ADCY2: variants seen among roughly 807,000 people sequenced by gnomAD.
The protein encoded by ADCY2 is adenylate cyclase type 2.
ADCY2 carries 31 observed loss-of-function variants against 125.2 expected under a neutral mutation model. The observed-to-expected ratio is 0.25, with a 90% CI of 0.19 to 0.33. The LOEUF is 0.33. ADCY2 is among the 10% of genes least tolerant of loss of function. The pLI, the probability that ADCY2 is intolerant of heterozygous loss-of-function variation, is 1.00. For missense variants in ADCY2, 904 were observed against 1,418.2 expected, an observed-to-expected ratio of 0.64 and a Z score of 5.82; for synonymous variants, 512 against 548.4, an observed-to-expected ratio of 0.93 and a Z score of 0.93.
intron 3 of ADCY2, among the ~76,000 whole-genome samples, chr5:7,543,904 C>T (rs1407261177): frequency 1.3e-5 from 2 of 150,660 alleles, no homozygotes; most frequent in African/African-American, 4.9e-5. Flanking sequence ...GTTCCACCTA[C>T]TCGGGAGGCT....
At chr5:7,815,569 T>C (rs1177571895) in intron 22 of ADCY2, among the ~76,000 whole-genome samples, 1 of 152,136 alleles carries the variant, frequency 6.6e-6, no homozygotes, top group Non-Finnish European at 1.5e-5. Flanking sequence ...TAACAAAAAA[T>C]AGAAACTTTT....
At chr5:7,518,671 A>T (rs1206313921) in intron 2 of ADCY2, among the ~76,000 whole-genome samples, 1 of 152,174 alleles carries the variant, frequency 6.6e-6, no homozygotes, top group East Asian at 1.9e-4. Flanking sequence ...TCCATGCCCA[A>T]TCTAGGCTTC....
intron 11 of ADCY2, among the ~76,000 whole-genome samples, chr5:7,713,109 G>A (rs531945092): frequency 7.9e-5 from 12 of 152,006 alleles, no homozygotes; most frequent in African/African-American, 2.7e-4. Context: ...AACACCACCT[G>A]GTACTCATTT....
At chr5:7,749,056 T>C (rs962572389) in intron 15 of ADCY2, among the ~76,000 whole-genome samples, 2 of 152,212 alleles carry the variant, frequency 1.3e-5, no homozygotes, top group Admixed American at 6.5e-5. Flanking sequence ...GGGATGCCCA[T>C]GTTCATGGAC....
rs183445629 is a variant in ADCY2 at position 7,728,142 on chromosome 5, C to T, written c.1871+881C>T. 2.5e-4 allele frequency among the ~76,000 whole-genome samples: 38 copies of T among 152,034 alleles called. No homozygotes were observed. The East Asian group carries it at 7.4e-3, about 30-fold the overall frequency. On this transcript the variant is annotated intron_variant, in intron 14 of 24. Transcript: ENST00000338316. ...CTAGTAGAATTCAATTGTTTGCTTG[C>T]GTTTAACTCTCATGGTGCAGCCAGC...
At chr5:7,759,031 C>G (rs537868207) in intron 16 of ADCY2, among the ~76,000 whole-genome samples, 1 of 152,280 alleles carries the variant, frequency 6.6e-6, no homozygotes, top group African/African-American at 2.4e-5. Flanking sequence ...ATGGGCCAAG[C>G]ACTAGCAGCA....
At chr5:7,546,819 T>C (rs1735162640) in intron 3 of ADCY2, among the ~76,000 whole-genome samples, 1 of 152,160 alleles carries the variant, frequency 6.6e-6, no homozygotes, top group Non-Finnish European at 1.5e-5. Context: ...CCACACCTCC[T>C]CCAATGCAGC....
intron 24 of ADCY2, among the ~76,000 whole-genome samples, 156 bp downstream of exon 24, chr5:7,820,845 G>A (rs926548893): frequency 1.1e-4 from 17 of 152,162 alleles, no homozygotes; most frequent in African/African-American, 4.1e-4. Context: ...TTGGGGAAAT[G>A]TCAGTTTCTG....
rs143998557 is a variant in ADCY2, at chr5:7,547,788, G to C, written c.570+26889G>C. Reference sequence around the variant, plus strand: ...TCATGGTTTTGTTTTTGACAATGGAGCTGCTCCTTCCCACACCCTCACCAT... The same window carrying C: ...TCATGGTTTTGTTTTTGACAATGGACCTGCTCCTTCCCACACCCTCACCAT... On this transcript the variant is annotated intron_variant, in intron 3 of 24. Coordinates refer to ENST00000338316, the MANE Select transcript of ADCY2 (RefSeq NM_020546.3). Among the ~76,000 whole-genome samples the C allele has an allele frequency of 3.3e-3, 503 of 152,328 alleles. 8 individuals carry two copies. Among genetic ancestry groups the C allele is most frequent in the African/African-American group, 0.012 (481 of 41,566 alleles).
rs375467521 is a variant in ADCY2, at chr5:7,683,111, T to C, written c.721-7580T>C. On this transcript the variant is annotated intron_variant, in intron 4 of 24. Transcript: ENST00000338316. ...ACAAGTGGGGGTTACCAGTGTGGGCTTCAAAGTCATGAGGTCCCTGCCCTG... is the reference window on the plus strand; with the variant it reads ...ACAAGTGGGGGTTACCAGTGTGGGCCTCAAAGTCATGAGGTCCCTGCCCTG... Among the ~76,000 whole-genome samples the C allele has an allele frequency of 1.6e-4, 24 of 152,326 alleles. No individual in the cohort carries two copies. The South Asian group carries it at 4.8e-3, about 30-fold the overall frequency.
chr5:7,404,293 CTCTT>C (rs1739386477), intron 1 of ADCY2, among the ~76,000 whole-genome samples: 1 of 152,106 alleles, frequency 6.6e-6, no homozygotes, highest in Non-Finnish European at 1.5e-5. Flanking sequence ...AGAACCATCC[CTCTT>C]TGTTTATCTT....
At chr5:7,774,161 G>A (rs975726681) in intron 18 of ADCY2, among the ~76,000 whole-genome samples, 14 of 152,326 alleles carry the variant, frequency 9.2e-5, no homozygotes, top group African/African-American at 3.4e-4. Flanking sequence ...ATCCCACTGT[G>A]TAGACATTTC....
chr5:7,507,019 C>A (rs534284955), intron 2 of ADCY2, among the ~76,000 whole-genome samples: 1 of 149,704 alleles, frequency 6.7e-6, no homozygotes, highest in African/African-American at 2.4e-5. Context: ...GATCTCCTGA[C>A]CTCGTGATCC....
At chr5:7,690,623 C>T in intron 4 of ADCY2, 68 bp from the exon 5 acceptor site, 1 of 1,357,044 alleles carries the variant, frequency 7.4e-7, no homozygotes, top group African/African-American at 1.5e-5. Flanking sequence ...GTGAGGATCT[C>T]CAATGTTATT....
At chr5:7,455,304 A>G (rs1318431162) in intron 2 of ADCY2, among the ~76,000 whole-genome samples, 2 of 152,198 alleles carry the variant, frequency 1.3e-5, no homozygotes, top group African/African-American at 4.8e-5. Context: ...TGAAAACACA[A>G]GTTAGATTTA....
intron 16 of ADCY2, among the ~76,000 whole-genome samples, chr5:7,765,146 A>G (rs1235855478): frequency 6.6e-6 from 1 of 152,142 alleles, no homozygotes; most frequent in Admixed American, 6.5e-5. Flanking sequence ...GCAACACTTC[A>G]TTTTACCTAG....
Position 7,624,777 on chromosome 5 carries a change from G to T in ADCY2, c.571-1390G>T, listed in dbSNP as rs139513358. Among the ~76,000 whole-genome samples, 98 of 152,270 alleles carry T rather than the reference G, an allele frequency of 6.4e-4. 2 individuals are homozygous for T. The East Asian group carries it at 0.018, about 28-fold the overall frequency. On this transcript the variant is annotated intron_variant, in intron 3 of 24. Transcript: ENST00000338316. Reference sequence around the variant, plus strand: ...GATAAAGTGGTCTGTGTTTTGGGGAGATTCTTAGGGAGGAGCATAGGATAT... The same window carrying T: ...GATAAAGTGGTCTGTGTTTTGGGGATATTCTTAGGGAGGAGCATAGGATAT...
intron 21 of ADCY2, among the ~76,000 whole-genome samples, chr5:7,803,450 C>A (rs1744663261): frequency 6.6e-6 from 1 of 152,198 alleles, no homozygotes; most frequent in South Asian, 2.1e-4. Context: ...CGGGTATAGA[C>A]CTTCCAGGGC....
chr5:7,470,529 TAC>T (rs1579476155), intron 2 of ADCY2, among the ~76,000 whole-genome samples: 1 of 148,222 alleles, frequency 6.7e-6, no homozygotes, highest in Non-Finnish European at 1.5e-5. Context: ...TGAAACTATA[TAC>T]ATATATTACA....
Sources: allele counts gnomAD v4.1 joint callset (sites outside exome capture counted in the v4.1 genomes callset), GRCh38; gene constraint gnomAD v4.1.1; transcripts MANE v1.5; gene names NCBI Gene and HGNC (gene_info 2026-07-23, HGNC 2026-07-21).